TTLL5: variants seen among roughly 807,000 people sequenced by gnomAD.
The protein encoded by TTLL5 is tubulin tyrosine ligase like 5, also known as tubulin polyglutamylase TTLL5.
A neutral mutation model predicts 168.4 loss-of-function variants in TTLL5; 132 were observed. The ratio of observed to expected loss-of-function variants is 0.78; its 90% CI spans 0.68 to 0.91. The LOEUF (loss-of-function observed/expected upper bound fraction) is 0.91. TTLL5 is among the 40% of genes least tolerant of loss of function. The pLI is 0.00. For synonymous variants in TTLL5, 546 were observed against 558.6 expected, an observed-to-expected ratio of 0.98 and a Z score of 0.32; for missense variants, 1,545 against 1,581.5, an observed-to-expected ratio of 0.98 and a Z score of 0.39.
chr14:75,699,375 CTCT>C (rs1886095989), intron 7 of TTLL5, 105 bp downstream of exon 7: 6 of 1,040,482 alleles, frequency 5.8e-6, no homozygotes, highest in Admixed American at 2.3e-5. Flanking sequence ...AGCAGGTGTG[CTCT>C]TCTTAAATCT....
At chr14:75,729,734 G>A (rs1462676232) in intron 12 of TTLL5, among the ~76,000 whole-genome samples, 2 of 152,102 alleles carry the variant, frequency 1.3e-5, no homozygotes, top group Non-Finnish European at 2.9e-5. Flanking sequence ...TTTTAGTTTG[G>A]GCACCCTCTC....
At chr14:75,831,078 C>T (rs1446559213) in intron 28 of TTLL5, among the ~76,000 whole-genome samples, 1 of 152,130 alleles carries the variant, frequency 6.6e-6, no homozygotes, top group Non-Finnish European at 1.5e-5. Flanking sequence ...AAGCTCAAAA[C>T]GAGCTTACGT....
At chr14:75,672,131 A>G (rs1382850586) in intron 3 of TTLL5, among the ~76,000 whole-genome samples, 1 of 152,184 alleles carries the variant, frequency 6.6e-6, no homozygotes. Context: ...TTCCCCCTTC[A>G]GCCTGTTAAC....
chr14:75,783,004 C>T (rs1892148015), intron 25 of TTLL5, 143 bp from the exon 26 acceptor site: 3 of 948,006 alleles, frequency 3.2e-6, no homozygotes, highest in African/African-American at 3.3e-5. Context: ...TTATGATGAA[C>T]ACTCATTAAA....
chr14:75,844,994 C>T (rs1896466831), intron 28 of TTLL5, among the ~76,000 whole-genome samples: 1 of 152,170 alleles, frequency 6.6e-6, no homozygotes, highest in African/African-American at 2.4e-5. Flanking sequence ...CCTATTGTTC[C>T]CTGTTCTTTT....
At position 75,690,321 on chromosome 14, in the gene TTLL5, T is replaced by C. The variant is rs367911993; in HGVS notation, c.501T>C (p.Cys167=). 2.7e-5 allele frequency: 43 copies of C among 1,605,162 alleles called. No individual in the cohort carries two copies. The African/African-American group carries it at 4.7e-4, about 17-fold the overall frequency. ...TGCCAGCTGAGTACGCGGAATTTTG[T>C]AGTAAGTGCTTGACAGAGAATGCCC... ...FLLPAEYAEF[C]NSYSKDRGPW... Residue 167 remains cysteine (C), a splice_region_variant and synonymous_variant, in exon 6 of 32, where the codon TGT becomes TGC. Coordinates refer to ENST00000298832, the MANE Select transcript of TTLL5 (RefSeq NM_015072.5).
intron 28 of TTLL5, among the ~76,000 whole-genome samples, chr14:75,825,796 C>G (rs1342581628): frequency 6.6e-6 from 1 of 152,000 alleles, no homozygotes; most frequent in African/African-American, 2.4e-5. Flanking sequence ...CTCACTATTC[C>G]TTCCCCTGAG....
At chr14:75,815,574 G>T (rs1263607177) in intron 27 of TTLL5, among the ~76,000 whole-genome samples, 1 of 152,124 alleles carries the variant, frequency 6.6e-6, no homozygotes, top group Non-Finnish European at 1.5e-5. Context: ...CTTCTTTAAT[G>T]TCTTCTGATG....
intron 18 of TTLL5, chr14:75,757,759 A>T: frequency 7.2e-7 from 1 of 1,380,102 alleles, no homozygotes; most frequent in Non-Finnish European, 9.7e-7. Flanking sequence ...TCTGGAGTGC[A>T]TGTGTGTGTG....
chr14:75,709,396 G>C lies in TTLL5; in HGVS notation c.740+1689G>C. ...GCTGGTGGAGCTCTGTGTTCCGTTCGCCTCTAGGTGGCAGTCACAGCATTT... is the reference window on the plus strand; with the variant it reads ...GCTGGTGGAGCTCTGTGTTCCGTTCCCCTCTAGGTGGCAGTCACAGCATTT... On this transcript the variant is annotated intron_variant, in intron 9 of 31. Transcript: ENST00000298832. The C allele has an allele frequency of 5.5e-6, 3 of 543,214 alleles. No individual in the cohort carries two copies. In the South Asian group the frequency reaches 6.4e-5, roughly 12 times the overall value. 33.6% of individuals were successfully genotyped at this position (543,214 alleles called of 1,614,324 possible).
chr14:75,766,495 G>GACTGTGATTAGATACTGTTATT (rs1890975616), intron 20 of TTLL5, 127 bp downstream of exon 20: 1 of 945,780 alleles, frequency 1.1e-6, no homozygotes, highest in Admixed American at 3.0e-5. Context: ...ATGAAATAAT[G>GACTGTGATTAGATACTGTTATT]ACTGTGATTA....
At chr14:75,913,412 T>G (rs909939751) in intron 31 of TTLL5, among the ~76,000 whole-genome samples, 1 of 152,120 alleles carries the variant, frequency 6.6e-6, no homozygotes, top group African/African-American at 2.4e-5. Flanking sequence ...TATCATGGCT[T>G]TTACAATACT....
intron 31 of TTLL5, among the ~76,000 whole-genome samples, chr14:75,925,832 C>G (rs1251554282): frequency 6.6e-6 from 1 of 152,014 alleles, no homozygotes; most frequent in Non-Finnish European, 1.5e-5. Flanking sequence ...GCGGATCACT[C>G]GCGGTTAGGA....
At chr14:75,676,807 G>A (rs1594852491) in intron 3 of TTLL5, among the ~76,000 whole-genome samples, 1 of 139,616 alleles carries the variant, frequency 7.2e-6, no homozygotes, top group East Asian at 2.0e-4. Flanking sequence ...GTCTTGCTCT[G>A]TCACCCACGC....
intron 30 of TTLL5, among the ~76,000 whole-genome samples, chr14:75,895,513 AAG>A (rs1444493920): frequency 6.6e-6 from 1 of 152,132 alleles, no homozygotes; most frequent in Non-Finnish European, 1.5e-5. Context: ...AAATAATAAA[AAG>A]AGGTTTTTTT....
chr14:75,847,324 T>C (rs1229694428), intron 28 of TTLL5, among the ~76,000 whole-genome samples: 1 of 151,964 alleles, frequency 6.6e-6, no homozygotes, highest in East Asian at 1.9e-4. Flanking sequence ...TTTTATCACA[T>C]TAATACCAAA....
Position 75,943,193 on chromosome 14 carries a change from A to T in TTLL5, c.3824-11231A>T, listed in dbSNP as rs188639074. ...TCTGTATACCTCTCCTGCTCTTATGACCCCGTCACTGGATCACCAGGCAGG... is the reference window on the plus strand; with the variant it reads ...TCTGTATACCTCTCCTGCTCTTATGTCCCCGTCACTGGATCACCAGGCAGG... On this transcript the variant is annotated intron_variant, in intron 31 of 31. Transcript: ENST00000298832. Among the ~76,000 whole-genome samples, 226 of 151,844 alleles carry T rather than the reference A, an allele frequency of 1.5e-3. 1 individual carries two copies. The highest frequency in any genetic ancestry group is 5.1e-3 in the African/African-American group (213 of 41,374).
chr14:75,744,031 C>T (rs1456792697), intron 15 of TTLL5, among the ~76,000 whole-genome samples: 8 of 152,152 alleles, frequency 5.3e-5, no homozygotes, highest in South Asian at 4.2e-4. Context: ...TGAGAGAAAC[C>T]AACATTCAGT....
At chr14:75,781,417 C>T (rs150865490) in intron 24 of TTLL5, among the ~76,000 whole-genome samples, 13 of 152,074 alleles carry the variant, frequency 8.5e-5, no homozygotes, top group African/African-American at 3.1e-4. Context: ...CTGCTATTGG[C>T]GATGGAGGGG....
Sources: gnomAD v4.1 joint callset for allele counts (sites outside exome capture counted in the v4.1 genomes callset) on GRCh38, gnomAD v4.1.1 for gene constraint, MANE v1.5 for transcripts, NCBI Gene and HGNC (gene_info 2026-07-23, HGNC 2026-07-21) for gene names.